Variants in NAV2 observed in about 807,000 individuals in gnomAD.
The protein encoded by NAV2 is helicase, APC down-regulated 1.
NAV2 carries 54 observed loss-of-function variants against 223.2 expected under a neutral mutation model. That is an observed-to-expected ratio of 0.24 (90% CI 0.19 to 0.30). The LOEUF (loss-of-function observed/expected upper bound fraction) is 0.30, where lower values mean the gene tolerates loss of function less well. NAV2 is among the 10% of genes least tolerant of loss of function. The pLI is 1.00. For missense variants in NAV2, 2,806 were observed against 3,147.5 expected, an observed-to-expected ratio of 0.89 and a Z score of 2.60; for synonymous variants, 1,279 against 1,239.3, an observed-to-expected ratio of 1.03 and a Z score of -0.67.
At chr11:19,489,913 C>A (rs1165862427) in intron 1 of NAV2, among the ~76,000 whole-genome samples, 1 of 152,132 alleles carries the variant, frequency 6.6e-6, no homozygotes, top group Non-Finnish European at 1.5e-5. Context: ...GACACATATT[C>A]CCACCCAGTT....
At chr11:19,712,409 G>A (rs1004263385), upstream of NAV2, 1 of 152,260 alleles carries the variant, frequency 6.6e-6, no homozygotes, top group Admixed American at 6.5e-5. Flanking sequence ...TAAAGCGGGA[G>A]ACGAGCTTCG....
intron 1 of NAV2, among the ~76,000 whole-genome samples, chr11:19,720,334 T>G (rs1250545857): frequency 2.0e-5 from 3 of 152,192 alleles, no homozygotes; most frequent in Non-Finnish European, 2.9e-5. Flanking sequence ...GACACAAAGT[T>G]TTTTGCAGGA....
At chr11:19,603,362 TTA>T (rs759011768) in intron 1 of NAV2, among the ~76,000 whole-genome samples, 40 of 152,012 alleles carry the variant, frequency 2.6e-4, no homozygotes, top group Non-Finnish European at 5.1e-4. Context: ...GCACAGTGGC[TTA>T]TGTTTGTAAT....
intron 1 of NAV2, among the ~76,000 whole-genome samples, chr11:19,414,813 A>G (rs879150737): frequency 1.3e-5 from 2 of 152,252 alleles, no homozygotes; most frequent in African/African-American, 2.4e-5. Context: ...GCACAACTAC[A>G]TGGAAACTGA....
At chr11:19,578,393 T>A (rs1347287244) in intron 1 of NAV2, among the ~76,000 whole-genome samples, 1 of 152,258 alleles carries the variant, frequency 6.6e-6, no homozygotes, top group African/African-American at 2.4e-5. Flanking sequence ...GCAGATGTCC[T>A]GGGCTGCTCT....
intron 1 of NAV2, among the ~76,000 whole-genome samples, chr11:19,394,448 A>G (rs2133245127): frequency 6.6e-6 from 1 of 152,330 alleles, no homozygotes; most frequent in East Asian, 1.9e-4. Context: ...AGGCATACCC[A>G]TGCTAGACTC....
chr11:19,835,801 A>C, intron 2 of NAV2, among the ~76,000 whole-genome samples: 1 of 151,520 alleles, frequency 6.6e-6, no homozygotes, highest in Non-Finnish European at 1.5e-5. Context: ...ATCTACATAA[A>C]ATTTTCCCAG....
At chr11:19,698,058 G>T (rs1043590178) in intron 1 of NAV2, among the ~76,000 whole-genome samples, 5 of 152,170 alleles carry the variant, frequency 3.3e-5, no homozygotes, top group Non-Finnish European at 7.4e-5. Context: ...ACAGCACAGG[G>T]CTGAGTGCTG....
intron 5 of NAV2, among the ~76,000 whole-genome samples, chr11:19,882,429 A>G (rs2063271035): frequency 6.6e-6 from 1 of 152,182 alleles, no homozygotes; most frequent in African/African-American, 2.4e-5. Context: ...AGCCCAGGAG[A>G]GCAGGTATGC....
At chr11:20,031,786 G>A (rs2055776958) in intron 11 of NAV2, among the ~76,000 whole-genome samples, 1 of 151,978 alleles carries the variant, frequency 6.6e-6, no homozygotes, top group South Asian at 2.1e-4. Context: ...AGCGTTTCCT[G>A]TGTAGTCACA....
intron 3 of NAV2, among the ~76,000 whole-genome samples, chr11:19,855,226 C>T (rs1469298759): frequency 4.6e-5 from 7 of 152,064 alleles, no homozygotes; most frequent in Admixed American, 4.6e-4. Flanking sequence ...AATGCAAATA[C>T]TAGTTTCTGG....
chr11:20,060,516 T>C (rs1014933474), intron 19 of NAV2, among the ~76,000 whole-genome samples: 2 of 152,206 alleles, frequency 1.3e-5, no homozygotes, highest in Non-Finnish European at 2.9e-5. Flanking sequence ...GAGGAAAAGA[T>C]CTAGAACGCA....
intron 1 of NAV2, among the ~76,000 whole-genome samples, chr11:19,672,354 T>C (rs2048595660): frequency 6.6e-6 from 1 of 150,854 alleles, no homozygotes; most frequent in African/African-American, 2.4e-5. Context: ...CCCTTAGCAG[T>C]GAGGGAGATC....
At chr11:19,405,304 G>A (rs762309568) in intron 1 of NAV2, among the ~76,000 whole-genome samples, 8 of 152,266 alleles carry the variant, frequency 5.3e-5, no homozygotes, top group Non-Finnish European at 8.8e-5. Flanking sequence ...TGTTTGGGAG[G>A]TGCCTGCCAG....
At chr11:19,750,725 A>T (rs925132024) in intron 1 of NAV2, among the ~76,000 whole-genome samples, 9 of 152,218 alleles carry the variant, frequency 5.9e-5, no homozygotes, top group African/African-American at 2.2e-4. Flanking sequence ...TCACAAAAGG[A>T]GGCAGAGACA....
chr11:19,539,394 G>C (rs2044278805), intron 1 of NAV2, among the ~76,000 whole-genome samples: 1 of 152,176 alleles, frequency 6.6e-6, no homozygotes, highest in African/African-American at 2.4e-5. Context: ...CCCAAACCTT[G>C]TGGTGTGCTT....
intron 1 of NAV2, among the ~76,000 whole-genome samples, chr11:19,371,478 G>A: frequency 6.6e-6 from 1 of 152,170 alleles, no homozygotes; most frequent in East Asian, 1.9e-4. Context: ...TATGGTGACT[G>A]AAAGTAGTTA....
At chr11:19,467,187 A>G (rs1225389075) in intron 1 of NAV2, among the ~76,000 whole-genome samples, 1 of 152,202 alleles carries the variant, frequency 6.6e-6, no homozygotes, top group East Asian at 1.9e-4. Flanking sequence ...TTTCTTCAGA[A>G]TTAACATTTT....
At chr11:19,442,950 T>A (rs1851456440) in intron 1 of NAV2, among the ~76,000 whole-genome samples, 1 of 152,140 alleles carries the variant, frequency 6.6e-6, no homozygotes, top group Admixed American at 6.5e-5. Context: ...TAGGATAAGA[T>A]CTGAGATGCA....
Sources: gnomAD v4.1 joint callset for allele counts (sites outside exome capture counted in the v4.1 genomes callset) on GRCh38, gnomAD v4.1.1 for gene constraint, MANE v1.5 for transcripts, NCBI Gene and HGNC (gene_info 2026-07-23, HGNC 2026-07-21) for gene names.